Variants in MARCHF8 observed in about 807,000 individuals in gnomAD.
The protein encoded by MARCHF8 is membrane associated ring-CH-type finger 8.
A neutral mutation model predicts 51.6 loss-of-function variants in MARCHF8; 40 were observed. That is an observed-to-expected ratio of 0.77 (90% confidence interval 0.60 to 1.01). The LOEUF (loss-of-function observed/expected upper bound fraction) is 1.01, where lower values mean the gene tolerates loss of function less well. MARCHF8 is among the 50% of genes least tolerant of loss of function. MARCHF8 has a pLI of 0.00. For synonymous variants in MARCHF8, 263 were observed against 280.3 expected (o/e 0.94, Z 0.62); for missense variants, 685 against 708.6 (o/e 0.97, Z 0.38).
chr10:45,510,294 T>C (rs1371772892), intron 2 of MARCHF8, among the ~76,000 whole-genome samples: 5 of 152,152 alleles, frequency 3.3e-5, no homozygotes, highest in Non-Finnish European at 5.9e-5. Context: ...AGCCATGCAG[T>C]CTATGGTATT....
At chr10:45,502,428 A>C (rs1298242612) in intron 2 of MARCHF8, among the ~76,000 whole-genome samples, 1 of 152,218 alleles carries the variant, frequency 6.6e-6, no homozygotes, top group African/African-American at 2.4e-5. Flanking sequence ...AAATTTTCCC[A>C]AGTTTGGAGA....
chr10:45,463,977 C>A lies in MARCHF8; in HGVS notation c.262G>T (p.Glu88Ter). Residue 88 changes from glutamate (E) to a stop codon, truncating the protein, a stop_gained, in exon 5 of 8, where the codon GAG becomes TAG. Transcript: ENST00000453424. LOFTEE classifies it high-confidence loss of function. ...TGCACGGAACTGTGGTGACAACACT[C>A]AGAAAACACTGCACTGGAACTGCAT... ...DICSSSAVFSECCHHSSVQSA... is the reference protein window; with the variant it reads ...DICSSSAVFS 6.5e-7 allele frequency: 1 copy of A among 1,535,416 alleles called. No individual in the cohort carries two copies. Among genetic ancestry groups the A allele is most frequent in the South Asian group, 1.2e-5 (1 of 83,918 alleles).
chr10:45,476,115 A>G (rs963141399), intron 3 of MARCHF8, among the ~76,000 whole-genome samples: 1 of 152,252 alleles, frequency 6.6e-6, no homozygotes, highest in Non-Finnish European at 1.5e-5. Context: ...AGAGACTGTT[A>G]CACCAGACGT....
At chr10:45,516,624 C>T (rs757721496) in intron 2 of MARCHF8, among the ~76,000 whole-genome samples, 3 of 152,106 alleles carry the variant, frequency 2.0e-5, no homozygotes, top group Admixed American at 1.3e-4. Flanking sequence ...ATAAGCTGGG[C>T]GTGGTGGCAC....
intron 2 of MARCHF8, among the ~76,000 whole-genome samples, chr10:45,524,501 A>G (rs1350367742): frequency 6.6e-6 from 1 of 152,254 alleles, no homozygotes; most frequent in Admixed American, 6.5e-5. Flanking sequence ...AGGTAGATGG[A>G]TGATTCAAGA....
intron 1 of MARCHF8, among the ~76,000 whole-genome samples, chr10:45,566,342 T>G (rs1474497959): frequency 6.6e-6 from 1 of 152,230 alleles, no homozygotes; most frequent in Admixed American, 6.5e-5. Flanking sequence ...AACCACTTTA[T>G]TGTGCTATCA....
At chr10:45,590,997 G>A (rs2044674346) in intron 1 of MARCHF8, among the ~76,000 whole-genome samples, 1 of 152,180 alleles carries the variant, frequency 6.6e-6, no homozygotes. Context: ...AACGTACTTT[G>A]TAATCTCCCC....
chr10:45,458,682 C>A, intron 7 of MARCHF8, 139 bp from the exon 8 acceptor site: 1 of 952,562 alleles, frequency 1.0e-6, no homozygotes, highest in Non-Finnish European at 1.5e-6. Flanking sequence ...GCTATGTTGC[C>A]CAGGCTGGAG....
At chr10:45,491,956 C>T (rs750112261) in intron 2 of MARCHF8, among the ~76,000 whole-genome samples, 2 of 152,190 alleles carry the variant, frequency 1.3e-5, no homozygotes, top group Admixed American at 1.3e-4. Context: ...ATTAATTATT[C>T]AACAGAGAAT....
intron 2 of MARCHF8, among the ~76,000 whole-genome samples, chr10:45,504,787 C>T (rs373105720): frequency 8.5e-5 from 13 of 152,224 alleles, no homozygotes; most frequent in African/African-American, 2.4e-4. Context: ...TTCATGTTCG[C>T]GTATCTGGCA....
chr10:45,539,501 G>A (rs35629170), upstream of MARCHF8, among the ~76,000 whole-genome samples: 9,390 of 152,116 alleles, frequency 0.062, 333 homozygotes, highest in Non-Finnish European at 0.067. Flanking sequence ...AGACACAAAA[G>A]ACCCTTCAAA....
chr10:45,519,325 A>G (rs1269095609), intron 2 of MARCHF8, among the ~76,000 whole-genome samples: 1 of 152,238 alleles, frequency 6.6e-6, no homozygotes, highest in Non-Finnish European at 1.5e-5. Flanking sequence ...TATCAGAGAT[A>G]CAGATGCTAG....
intron 5 of MARCHF8, chr10:45,462,104 G>A (rs566100814): frequency 1.3e-5 from 2 of 152,344 alleles, no homozygotes; most frequent in Non-Finnish European, 2.9e-5. Flanking sequence ...AGAAACAGAG[G>A]GGTCTTTTCC....
chr10:45,461,347 G>A lies in MARCHF8; in HGVS notation c.1153C>T (p.Leu385Phe), dbSNP rs1049240945. Residue 385 changes from leucine to phenylalanine, a missense_variant, in exon 6 of 8, where the codon CTC becomes TTC. Physicochemically the swap from Leu to Phe is conservative, Grantham distance 22. Transcript: ENST00000453424. ...LITPCHCTGS[L>F]HFVHQACLQQ... ...AGGCAGGCCTGGTGCACGAAGTGGA[G>A]GCTTCCTGTGCAGTGGCAGGGGGTG... 2 of 1,607,542 alleles carry A rather than the reference G, an allele frequency of 1.2e-6. No homozygotes were observed. Among genetic ancestry groups the A allele is most frequent in the Non-Finnish European group, 1.7e-6 (2 of 1,177,472 alleles).
At chr10:45,469,864 C>CAA (rs55832920) in intron 3 of MARCHF8, among the ~76,000 whole-genome samples, 651 of 57,036 alleles carry the variant, frequency 0.011, 122 homozygotes, top group East Asian at 0.017. Flanking sequence ...GACTCCGTCT[C>CAA]AAAAAAAAAA....
intron 2 of MARCHF8, among the ~76,000 whole-genome samples, chr10:45,496,679 T>C (rs1216252616): frequency 6.6e-6 from 1 of 152,112 alleles, no homozygotes; most frequent in African/African-American, 2.4e-5. Flanking sequence ...GTATAAACAA[T>C]AATTAGTAAA....
At position 45,534,141 on chromosome 10, in the gene MARCHF8, C is replaced by T. The variant is rs527403656; in HGVS notation, c.-78-852G>A. On this transcript the variant is annotated intron_variant, in intron 1 of 7. Transcript: ENST00000453424. ...GAGCTCGCAGTGAGCCAAGATCGCA[C>T]CACTGCACTCCAGCCTGGGTAACAC... Among the ~76,000 whole-genome samples, 3 of 152,198 alleles carry T rather than the reference C, an allele frequency of 2.0e-5. No homozygotes were observed. In the East Asian group the frequency reaches 5.8e-4, roughly 29 times the overall value.
chr10:45,475,060 C>G (rs1228353517), intron 3 of MARCHF8, among the ~76,000 whole-genome samples: 2 of 152,190 alleles, frequency 1.3e-5, no homozygotes, highest in Non-Finnish European at 2.9e-5. Flanking sequence ...CTGCTGGGGG[C>G]CCAACAGTCC....
chr10:45,582,639 A>C (rs1281803603), intron 1 of MARCHF8, among the ~76,000 whole-genome samples: 1 of 152,240 alleles, frequency 6.6e-6, no homozygotes, highest in African/African-American at 2.4e-5. Context: ...CAGAAAAGTC[A>C]GGAGCAGAAT....
Sources: gnomAD v4.1 joint callset for allele counts (sites outside exome capture counted in the v4.1 genomes callset) on GRCh38, gnomAD v4.1.1 for gene constraint, MANE v1.5 for transcripts, NCBI Gene and HGNC (gene_info 2026-07-23, HGNC 2026-07-21) for gene names.